ABCA13: variants seen among roughly 807,000 people sequenced by gnomAD.
ABCA13 encodes the protein ATP binding cassette subfamily A member 13.
A neutral mutation model predicts 478.7 loss-of-function variants in ABCA13; 476 were observed. That is an observed-to-expected ratio of 0.99 (90% CI 0.92 to 1.07). The LOEUF is 1.07. Ranked by LOEUF, ABCA13 falls within the 50% of genes least tolerant of loss-of-function variation. The probability of loss-of-function intolerance (pLI) is 0.00; values close to 1 mark genes in which losing one functional copy is unlikely to be tolerated. For synonymous variants in ABCA13, 2,252 were observed against 2,158.9 expected (o/e 1.04, Z -1.20); for missense variants, 6,060 against 5,910.6 (o/e 1.03, Z -0.83).
intron 41 of ABCA13, among the ~76,000 whole-genome samples, chr7:48,414,129 T>C (rs1252534504): frequency 1.3e-5 from 2 of 152,214 alleles, no homozygotes; most frequent in African/African-American, 4.8e-5. Context: ...AGGAGCTGTT[T>C]TCTAAAGCCA....
intron 45 of ABCA13, 121 bp downstream of exon 45, chr7:48,471,720 G>T: frequency 1.1e-6 from 1 of 904,502 alleles, no homozygotes. Flanking sequence ...TTGGTTTCCT[G>T]GATTAGCTGT....
At chr7:48,635,693 T>A (rs1182201655) in intron 59 of ABCA13, among the ~76,000 whole-genome samples, 2 of 152,126 alleles carry the variant, frequency 1.3e-5, no homozygotes, top group African/African-American at 4.8e-5. Context: ...TACAGAGAGC[T>A]AAGGTGGGAG....
In ABCA13 at chr7:48,359,771, C is replaced by T. The variant is rs138050038; in HGVS notation, c.10688+7284C>T. The stretch of plus-strand genomic sequence containing the variant: ...AAACAGACAACAACAGCAACAAAAA[C>T]CAGCTGATTTCTCAGGGTGGTTCTT... On this transcript the variant is annotated intron_variant, in intron 31 of 61. Coordinates refer to ENST00000435803, the MANE Select transcript of ABCA13 (RefSeq NM_152701.5). 1.1e-3 allele frequency among the ~76,000 whole-genome samples: 172 copies of T among 152,156 alleles called. 2 individuals carry two copies. The East Asian group carries it at 0.026, about 23-fold the overall frequency.
chr7:48,319,914 A>G (rs1563043498), intron 27 of ABCA13, among the ~76,000 whole-genome samples: 2 of 152,144 alleles, frequency 1.3e-5, no homozygotes, highest in Non-Finnish European at 2.9e-5. Flanking sequence ...ACGGACCCTT[A>G]GTAAGGCCTT....
intron 27 of ABCA13, among the ~76,000 whole-genome samples, chr7:48,327,135 A>C (rs149403245): frequency 6.6e-6 from 1 of 152,312 alleles, no homozygotes; most frequent in East Asian, 1.9e-4. Context: ...ATGAAGAAAT[A>C]TGGGAAACTG....
At position 48,275,156 on chromosome 7, in the gene ABCA13, T is replaced by G; in HGVS notation, c.5490T>G (p.Ser1830=). The change falls in exon 17 of 62, where the codon TCT becomes TCG. Residue 1830 remains serine (S), a synonymous_variant. Coordinates refer to ENST00000435803, the MANE Select transcript of ABCA13 (RefSeq NM_152701.5). ...PVVWCWNHTN[S]GFRQNSKIDP... ...TTTGGTGCTGGAATCACACAAATTC[T>G]GGATTTCGGCAGAATTCAAAGATAG... is the stretch of plus-strand genomic sequence containing the variant. The G allele has an allele frequency of 6.2e-7, 1 of 1,613,968 alleles. No homozygotes were observed. The highest frequency in any genetic ancestry group is 8.5e-7 in the Non-Finnish European group (1 of 1,179,872).
chr7:48,524,323 T>TGAAG lies in ABCA13; in HGVS notation c.14134_14137dup (p.Thr4713LysfsTer13). 3 of 1,613,244 alleles carry TGAAG rather than the reference T, an allele frequency of 1.9e-6. No individual in the cohort carries two copies. Among genetic ancestry groups the TGAAG allele is most frequent in the Non-Finnish European group, 2.5e-6 (3 of 1,179,548 alleles). Reference sequence around the variant, plus strand: ...TTGAAAAAGAGGAAAAGAGAGTGTTTGAAGGAAGGACCAATGGAGACATTC... The same window carrying TGAAG: ...TTGAAAAAGAGGAAAAGAGAGTGTTTGAAGGAAGGAAGGACCAATGGAGACATTC... On this transcript the variant is annotated frameshift_variant, in exon 54 of 62. Transcript: ENST00000435803. LOFTEE classifies it high-confidence loss of function.
intron 55 of ABCA13, among the ~76,000 whole-genome samples, chr7:48,570,319 C>CTTTTTTTTTTTTTTT (rs35693419): frequency 1.1e-5 from 1 of 88,200 alleles, no homozygotes; most frequent in African/African-American, 5.0e-5. Context: ...TTTGCATCCT[C>CTTTTTTTTTTTTTTT]TTTTTTTTTT....
intron 58 of ABCA13, among the ~76,000 whole-genome samples, chr7:48,605,751 G>T (rs1791405076): frequency 6.6e-6 from 1 of 152,186 alleles, no homozygotes; most frequent in African/African-American, 2.4e-5. Flanking sequence ...GTATTGGAAT[G>T]TTGACCTTCC....
chr7:48,442,302 C>G (rs1286488465), intron 42 of ABCA13, among the ~76,000 whole-genome samples: 1 of 152,136 alleles, frequency 6.6e-6, no homozygotes, highest in Non-Finnish European at 1.5e-5. Flanking sequence ...GCTTAAACAA[C>G]AGACATTCAT....
Position 48,273,578 on chromosome 7 carries a change from A to T in ABCA13, c.3912A>T (p.Ser1304=). The T allele has an allele frequency of 6.3e-7, 1 of 1,585,660 alleles. No homozygotes were observed. The highest frequency in any genetic ancestry group is 8.6e-7 in the Non-Finnish European group (1 of 1,163,984). The change falls in exon 17 of 62, where the codon TCA becomes TCT. Residue 1304 remains serine (S), a synonymous_variant. Transcript: ENST00000435803. ...TSEYIVRNLD[S]INDFLSNNLT... ...AATATATAGTCAGAAATCTAGATTC[A>T]ATAAATGACTTTCTTTCAAATAATC... is the stretch of plus-strand genomic sequence containing the variant.
chr7:48,480,659 C>T (rs1450567238), intron 45 of ABCA13, among the ~76,000 whole-genome samples: 1 of 152,204 alleles, frequency 6.6e-6, no homozygotes, highest in Non-Finnish European at 1.5e-5. Flanking sequence ...AAGAGACACA[C>T]GCCTTTGAAT....
intron 45 of ABCA13, among the ~76,000 whole-genome samples, chr7:48,480,653 GAC>G (rs1288044941): frequency 7.9e-5 from 12 of 152,204 alleles, no homozygotes; most frequent in African/African-American, 2.9e-4. Flanking sequence ...TTATGAAAGA[GAC>G]ACACGCCTTT....
At position 48,319,847 on chromosome 7, in the gene ABCA13, C is replaced by T. The variant is rs550844356; in HGVS notation, c.9999+2551C>T. 9.9e-5 allele frequency among the ~76,000 whole-genome samples: 15 copies of T among 152,170 alleles called. No individual in the cohort carries two copies. The South Asian group carries it at 1.7e-3, about 17-fold the overall frequency. The stretch of plus-strand genomic sequence containing the variant: ...GTGAAATGAAAGACTTGAGTAGATC[C>T]GTGATTTTCAGTCATCTGGGAGACG... On this transcript the variant is annotated intron_variant, in intron 27 of 61. Coordinates refer to ENST00000435803, the MANE Select transcript of ABCA13 (RefSeq NM_152701.5).
intron 55 of ABCA13, among the ~76,000 whole-genome samples, chr7:48,564,389 C>CA (rs1008622529): frequency 6.6e-5 from 10 of 151,464 alleles, no homozygotes; most frequent in East Asian, 3.9e-4. Context: ...AGCTTATTAA[C>CA]AAAAAAATGA....
intron 10 of ABCA13, among the ~76,000 whole-genome samples, chr7:48,243,344 T>A (rs538028162): frequency 1.3e-5 from 2 of 152,384 alleles, no homozygotes; most frequent in African/African-American, 4.8e-5. Flanking sequence ...CAAGTGCCAC[T>A]CTGCTTCCTT....
At chr7:48,234,353 G>T (rs1051048848) in intron 8 of ABCA13, 1 of 646,360 alleles carries the variant, frequency 1.5e-6, no homozygotes, top group Non-Finnish European at 2.7e-6. Flanking sequence ...TTACCATGTA[G>T]TTTTATCCCA....
chr7:48,512,504 C>A (rs921167171), intron 51 of ABCA13, among the ~76,000 whole-genome samples: 149 of 151,982 alleles, frequency 9.8e-4, no homozygotes, highest in African/African-American at 3.4e-3. Context: ...GTGTGTGTAC[C>A]CAGCTCTAAG....
At position 48,274,530 on chromosome 7, in the gene ABCA13, C is replaced by T; in HGVS notation, c.4864C>T (p.Pro1622Ser). The T allele has an allele frequency of 6.2e-7, 1 of 1,613,822 alleles. No individual in the cohort carries two copies. Among genetic ancestry groups the T allele is most frequent in the Non-Finnish European group, 8.5e-7 (1 of 1,179,854 alleles). The stretch of plus-strand genomic sequence containing the variant: ...AAATTCACCAAAAATAATAATTTCA[C>T]CTGAAATAATGAAAGCTACAGGTCT... ...LQNSPKIIIS[P>S]EIMKATGLGI... is the part of the protein sequence containing the mutation. Residue 1622 changes from proline (P) to serine (S), a missense_variant, in exon 17 of 62, where the codon CCT (proline) becomes TCT (serine). Physicochemically the swap from Pro to Ser is moderately conservative, Grantham distance 74. This residue lies in a region of ABCA13 where 4,423 missense variants were observed against 4,309.1 expected (regional missense o/e 1.03). Transcript: ENST00000435803.
Sources: gnomAD v4.1 joint callset for allele counts (sites outside exome capture counted in the v4.1 genomes callset) on GRCh38, gnomAD v4.1.1 for gene constraint, gnomAD v4.1.1 regional missense constraint, MANE v1.5 for transcripts, NCBI Gene and HGNC (gene_info 2026-07-23, HGNC 2026-07-21) for gene names.